Variants in CISTR observed in about 807,000 individuals in gnomAD.
CISTR encodes the protein chondrogenesis-associated transcript.
intron 1 of CISTR, among the ~76,000 whole-genome samples, chr12:53,755,311 GT>G (rs1937902572): frequency 1.7e-5 from 2 of 116,556 alleles, no homozygotes; most frequent in Non-Finnish European, 3.7e-5. Context: ...TGTTTGGGGT[GT>G]GTGTGTGTGT....
rs1937846350 is a variant in CISTR, at chr12:53,751,215, C to A, written n.415-250G>T. ...CACTCTCTCCTGGCCTCCCTCCCGC[C>A]GCCCCTCCTCTGAGCCCTGCGGCCC... On this transcript the variant is annotated intron_variant and non_coding_transcript_variant, in intron 1 of 2. Transcript: ENST00000669269. The surrounding 1 kb of genome is among the most constrained non-coding windows in gnomAD (Gnocchi z 4.6). Among the ~76,000 whole-genome samples the A allele has an allele frequency of 1.3e-5, 2 of 152,194 alleles. No homozygotes were observed. Among genetic ancestry groups the A allele is most frequent in the Admixed American group, 1.3e-4 (2 of 15,288 alleles).
At position 53,756,338 on chromosome 12, in the gene CISTR, G is replaced by A. The variant is rs1289150661; in HGVS notation, n.414+476C>T. Among the ~76,000 whole-genome samples, 1 of 152,246 alleles carries A rather than the reference G, an allele frequency of 6.6e-6. No individual in the cohort carries two copies. Reference sequence around the variant, plus strand: ...CCCCAAAGTAAGAGAACGGAGTAGAGAGGAGTGGGAAAAGATCTGATTATT... The same window carrying A: ...CCCCAAAGTAAGAGAACGGAGTAGAAAGGAGTGGGAAAAGATCTGATTATT... On this transcript the variant is annotated intron_variant and non_coding_transcript_variant, in intron 1 of 2. Coordinates refer to ENST00000669269, the Ensembl canonical transcript of CISTR. This position sits in a 1 kb window ranked among gnomAD's most constrained non-coding sequence, Gnocchi z 4.0.
At chr12:53,746,781 C>T (rs1593109114) in exon 3 of CISTR, among the ~76,000 whole-genome samples, 1 of 152,196 alleles carries the variant, frequency 6.6e-6, no homozygotes, top group African/African-American at 2.4e-5. Flanking sequence ...CCTCCTGTGG[C>T]CGCTGAGCCC....
rs1004373410 is a variant in CISTR at position 53,756,008 on chromosome 12, A to G, written n.414+806T>C. 1.3e-5 allele frequency: 2 copies of G among 152,180 alleles called. No individual in the cohort carries two copies. Among genetic ancestry groups the G allele is most frequent in the African/African-American group, 4.8e-5 (2 of 41,442 alleles). The allele number at this position is 152,180 out of a possible 1,614,324, so 9.4% of individuals were successfully genotyped here. A position where few individuals can be genotyped will look rare whatever the true frequency, so the allele number is the denominator to read the frequency against. On this transcript the variant is annotated intron_variant and non_coding_transcript_variant, in intron 1 of 2. Coordinates refer to ENST00000669269, the Ensembl canonical transcript of CISTR. The surrounding 1 kb of genome is among the most constrained non-coding windows in gnomAD (Gnocchi z 4.0). The stretch of plus-strand genomic sequence containing the variant: ...TAAGTGTCTTACTAATTACAAACAG[A>G]GAAAGCCTGGTCTGTGAAGTTAGCC...
At chr12:53,749,803 G>C (rs901802860) in intron 2 of CISTR, among the ~76,000 whole-genome samples, 2 of 152,152 alleles carry the variant, frequency 1.3e-5, no homozygotes, top group Non-Finnish European at 2.9e-5. Flanking sequence ...AGGCTGGAGA[G>C]TCAGGTGAGG....
intron 1 of CISTR, among the ~76,000 whole-genome samples, chr12:53,754,083 C>T (rs1308635428): frequency 6.6e-6 from 1 of 151,998 alleles, no homozygotes; most frequent in Non-Finnish European, 1.5e-5. Flanking sequence ...AGTCCCCAAA[C>T]ACAAAGAGGG....
chr12:53,748,220 G>A (rs1009404127), intron 2 of CISTR, among the ~76,000 whole-genome samples: 6 of 152,184 alleles, frequency 3.9e-5, no homozygotes, highest in Non-Finnish European at 2.9e-5. Context: ...TCAGCGCTGC[G>A]GAGGCTGCAC....
At chr12:53,752,298 G>A (rs890421211) in intron 1 of CISTR, among the ~76,000 whole-genome samples, 1 of 152,216 alleles carries the variant, frequency 6.6e-6, no homozygotes, top group Non-Finnish European at 1.5e-5. Flanking sequence ...CTTCTGGACC[G>A]ATCCAACCAG....
chr12:53,754,965 A>G lies in CISTR; in HGVS notation n.414+1849T>C, dbSNP rs188367769. On this transcript the variant is annotated intron_variant and non_coding_transcript_variant, in intron 1 of 2. Coordinates refer to ENST00000669269, the Ensembl canonical transcript of CISTR. ...AGACCCTGTCCTCTCCTGCCTTTGC[A>G]CTCCTTCCCTCTCTCCAGGACTGGG... 3.7e-3 allele frequency among the ~76,000 whole-genome samples: 568 copies of G among 151,876 alleles called. 4 individuals carry two copies. The highest frequency in any genetic ancestry group is 0.013 in the African/African-American group (547 of 41,388).
intron 2 of CISTR, among the ~76,000 whole-genome samples, chr12:53,748,873 G>A (rs754699619): frequency 2.6e-4 from 39 of 152,296 alleles, no homozygotes; most frequent in Non-Finnish European, 5.0e-4. Context: ...GGTAGAGGTT[G>A]CAGGGGGTGA....
At chr12:53,754,973 C>A (rs1242678676) in intron 1 of CISTR, among the ~76,000 whole-genome samples, 3 of 152,194 alleles carry the variant, frequency 2.0e-5, no homozygotes, top group Non-Finnish European at 2.9e-5. Flanking sequence ...GCACTCCTTC[C>A]CTCTCTCCAG....
chr12:53,755,308 G>GGTGTGT (rs3058893), intron 1 of CISTR, among the ~76,000 whole-genome samples: 10,384 of 147,174 alleles, frequency 0.071, 386 homozygotes, highest in Middle Eastern at 0.11. Flanking sequence ...TCCTGTTTGG[G>GGTGTGT]GTGTGTGTGT....
chr12:53,755,184 C>T (rs1162305776), intron 1 of CISTR, among the ~76,000 whole-genome samples: 3 of 152,124 alleles, frequency 2.0e-5, no homozygotes, highest in Admixed American at 6.5e-5. Context: ...AAGGGTGGGA[C>T]GGGAGTTATT....
At chr12:53,750,946 A>G (rs1360164726) in exon 2 of CISTR, 1 of 152,810 alleles carries the variant, frequency 6.5e-6, no homozygotes, top group African/African-American at 2.4e-5. Flanking sequence ...CAAGGAGGCA[A>G]ACAGCAAAAC....
rs957472384 is a variant in CISTR at position 53,747,868 on chromosome 12, G to A, written n.1064-1020C>T. On this transcript the variant is annotated intron_variant and non_coding_transcript_variant, in intron 2 of 2. Transcript: ENST00000669269. The stretch of plus-strand genomic sequence containing the variant: ...CTCCATGTGTGTCTGAGGGGTGCAA[G>A]GTGCTGCCGGGCTGGGGATGTGGAG... Among the ~76,000 whole-genome samples the A allele has an allele frequency of 1.4e-4, 22 of 152,252 alleles. No individual in the cohort carries two copies. In the East Asian group the frequency reaches 3.9e-3, roughly 27 times the overall value.
At chr12:53,753,662 AG>A (rs78752720) in intron 1 of CISTR, among the ~76,000 whole-genome samples, 17 of 130,380 alleles carry the variant, frequency 1.3e-4, no homozygotes, top group African/African-American at 4.3e-4. Flanking sequence ...AGGAATGCAT[AG>A]GGGTGTGTGT....
At chr12:53,753,665 G>GGTGTGTGTGTGTGT (rs55769002) in intron 1 of CISTR, among the ~76,000 whole-genome samples, 4 of 141,224 alleles carry the variant, frequency 2.8e-5, no homozygotes, top group African/African-American at 5.3e-5. Context: ...AATGCATAGG[G>GGTGTGTGTGTGTGT]GTGTGTGTGT....
intron 2 of CISTR, among the ~76,000 whole-genome samples, chr12:53,749,440 C>T (rs1380713784): frequency 6.6e-6 from 1 of 151,770 alleles, no homozygotes; most frequent in African/African-American, 2.4e-5. Flanking sequence ...GCAGGCAGGG[C>T]ACCTATCTAC....
intron 2 of CISTR, among the ~76,000 whole-genome samples, chr12:53,747,285 G>A (rs1937793468): frequency 6.6e-6 from 1 of 152,192 alleles, no homozygotes; most frequent in Non-Finnish European, 1.5e-5. Context: ...AGGCATGATG[G>A]AGGGAGATGG....
Sources: gnomAD v4.1 joint callset for allele counts (sites outside exome capture counted in the v4.1 genomes callset) on GRCh38, gnomAD v4.1.1 for gene constraint, Gnocchi (gnomAD v3.1) non-coding constraint, MANE v1.5 for transcripts, NCBI Gene and HGNC (gene_info 2026-07-23, HGNC 2026-07-21) for gene names.